RARB: variants seen among roughly 807,000 people sequenced by gnomAD.
The protein encoded by RARB is HBV-activated protein.
Under a neutral mutation model 51.9 loss-of-function variants are expected in RARB, and 17 were observed. The observed-to-expected ratio is 0.33, with a 90% CI of 0.22 to 0.49. The LOEUF is 0.49. Ranked by LOEUF, RARB falls within the 20% of genes least tolerant of loss-of-function variation. RARB has a pLI of 0.99. For synonymous variants in RARB, 215 were observed against 195.4 expected, an observed-to-expected ratio of 1.10 and a Z score of -0.84; for missense variants, 369 against 550.8, an observed-to-expected ratio of 0.67 and a Z score of 3.30.
chr3:25,015,268 G>T (rs1697484083), intron 2 of RARB, among the ~76,000 whole-genome samples: 1 of 152,102 alleles, frequency 6.6e-6, no homozygotes, highest in Non-Finnish European at 1.5e-5. Flanking sequence ...AATGCTGATA[G>T]GTTGAGATCC....
intron 5 of RARB, chr3:25,345,965 T>A: frequency 1.2e-6 from 1 of 816,674 alleles, no homozygotes; most frequent in Non-Finnish European, 1.5e-6. Context: ...TTCTACAAAG[T>A]CTGCAGTTTG....
intron 5 of RARB, among the ~76,000 whole-genome samples, chr3:25,421,403 CTTTTTTTTTTTTTTT>C (rs766378555): frequency 5.5e-5 from 4 of 72,364 alleles, no homozygotes; most frequent in South Asian, 9.0e-4. Flanking sequence ...TTCTTCTTTT[CTTTTTTTTTTTTTTT>C]TTTTTTTTTT....
chr3:25,094,716 C>CA (rs57477720), intron 3 of RARB, among the ~76,000 whole-genome samples: 8,684 of 42,982 alleles, frequency 0.2, 1,416 homozygotes, highest in Middle Eastern at 0.34. Context: ...GACCCCATCT[C>CA]AAAAAAAAAA....
At chr3:24,979,681 T>C (rs1351838842) in intron 2 of RARB, among the ~76,000 whole-genome samples, 2 of 152,156 alleles carry the variant, frequency 1.3e-5, no homozygotes, top group Non-Finnish European at 2.9e-5. Flanking sequence ...GCATGTGAGA[T>C]GGGTATCCTG....
chr3:24,891,286 G>A (rs1575056878), intron 2 of RARB, among the ~76,000 whole-genome samples: 2 of 152,060 alleles, frequency 1.3e-5, no homozygotes, highest in African/African-American at 4.8e-5. Context: ...GGTAGTATAT[G>A]CTCTACCCAA....
At chr3:25,440,684 A>G (rs1331216617) in intron 1 of RARB, among the ~76,000 whole-genome samples, 1 of 151,886 alleles carries the variant, frequency 6.6e-6, no homozygotes, top group African/African-American at 2.4e-5. Context: ...GAGGCAGGAG[A>G]ATCGCTTGAA....
intron 2 of RARB, among the ~76,000 whole-genome samples, chr3:24,933,911 A>G (rs1417755062): frequency 7.9e-5 from 12 of 152,156 alleles, no homozygotes; most frequent in Admixed American, 7.2e-4. Flanking sequence ...ATGCATTTGT[A>G]TTTCTCTGTA....
chr3:25,176,998 G>A (rs1700767793), intron 5 of RARB, among the ~76,000 whole-genome samples: 1 of 152,158 alleles, frequency 6.6e-6, no homozygotes, highest in Non-Finnish European at 1.5e-5. Flanking sequence ...TAAGGAGAGT[G>A]CTAAGTAACT....
chr3:25,373,737 A>T (rs1706374774), intron 5 of RARB, among the ~76,000 whole-genome samples: 3 of 152,048 alleles, frequency 2.0e-5, no homozygotes, highest in African/African-American at 7.2e-5. Context: ...GGACCACAGA[A>T]CCTCTCACAC....
chr3:25,061,239 T>C (rs975822203), intron 3 of RARB, among the ~76,000 whole-genome samples: 3 of 151,920 alleles, frequency 2.0e-5, no homozygotes, highest in Non-Finnish European at 4.4e-5. Context: ...CATCATTTCC[T>C]TCGTTATTAT....
chr3:25,051,919 A>G (rs1453893934), intron 2 of RARB, among the ~76,000 whole-genome samples: 3 of 152,170 alleles, frequency 2.0e-5, no homozygotes, highest in African/African-American at 7.2e-5. Flanking sequence ...CACAAAAGCT[A>G]TGTTATCCTA....
intron 5 of RARB, among the ~76,000 whole-genome samples, chr3:25,255,446 T>TCC (rs1702841188): frequency 6.6e-6 from 1 of 152,118 alleles, no homozygotes; most frequent in African/African-American, 2.4e-5. Flanking sequence ...GCCTTCTCCA[T>TCC]CCCTCAGAAA....
chr3:25,053,559 G>A (rs1698379681), intron 2 of RARB, among the ~76,000 whole-genome samples: 1 of 152,136 alleles, frequency 6.6e-6, no homozygotes, highest in South Asian at 2.1e-4. Context: ...AAAGTCAGAT[G>A]TCCTTTCCTC....
intron 3 of RARB, among the ~76,000 whole-genome samples, chr3:25,569,057 T>C (rs1700609557): frequency 6.6e-6 from 1 of 152,222 alleles, no homozygotes; most frequent in South Asian, 2.1e-4. Flanking sequence ...CTGCTGTGGG[T>C]CCAGTGTTCC....
At position 25,192,712 on chromosome 3, in the gene RARB, C is replaced by A. The variant is rs961133617; in HGVS notation, c.178+18137C>A. Among the ~76,000 whole-genome samples the A allele has an allele frequency of 3.3e-5, 5 of 152,012 alleles. No individual in the cohort carries two copies. In the East Asian group the frequency reaches 9.7e-4, roughly 29 times the overall value. On this transcript the variant is annotated intron_variant, in intron 5 of 11. Coordinates refer to the RARB transcript ENST00000383772. ...GGCATCTGTACTGCCTCAGACAATC[C>A]TGAACCACAAAACACACAGACACAC...
At chr3:25,151,449 A>G (rs1251863795) in intron 4 of RARB, among the ~76,000 whole-genome samples, 1 of 152,226 alleles carries the variant, frequency 6.6e-6, no homozygotes, top group Non-Finnish European at 1.5e-5. Flanking sequence ...GAAGAAATCC[A>G]CCAACATCTT....
At chr3:25,157,289 TAAC>T (rs1050668973) in intron 4 of RARB, among the ~76,000 whole-genome samples, 1 of 151,934 alleles carries the variant, frequency 6.6e-6, no homozygotes, top group Admixed American at 6.6e-5. Flanking sequence ...TTAACAATGT[TAAC>T]AATATTAACA....
At chr3:25,318,726 A>G (rs1236751284) in intron 5 of RARB, among the ~76,000 whole-genome samples, 1 of 152,200 alleles carries the variant, frequency 6.6e-6, no homozygotes, top group Non-Finnish European at 1.5e-5. Flanking sequence ...TCCCAACCAC[A>G]CAGCCACCAT....
At chr3:25,330,569 G>T (rs1257425421) in intron 5 of RARB, among the ~76,000 whole-genome samples, 1 of 152,182 alleles carries the variant, frequency 6.6e-6, no homozygotes, top group Non-Finnish European at 1.5e-5. Flanking sequence ...ATGCCAAATT[G>T]TAAAGACTAT....
Sources: gnomAD v4.1 joint callset for allele counts (sites outside exome capture counted in the v4.1 genomes callset) on GRCh38, gnomAD v4.1.1 for gene constraint, MANE v1.5 for transcripts, NCBI Gene and HGNC (gene_info 2026-07-23, HGNC 2026-07-21) for gene names.